The following XPO5 variants were observed in gnomAD, a reference collection of about 807,000 sequenced individuals.
The protein encoded by XPO5 is exportin-5.
A neutral mutation model predicts 160.6 loss-of-function variants in XPO5; 46 were observed. The observed-to-expected ratio is 0.29, with a 90% confidence interval of 0.23 to 0.37. The LOEUF (loss-of-function observed/expected upper bound fraction) is 0.37, where lower values mean the gene tolerates loss of function less well. Among genes scored for constraint, XPO5 ranks in the 10% least tolerant of loss-of-function variants. The pLI, the probability that XPO5 is intolerant of heterozygous loss-of-function variation, is 1.00. For synonymous variants in XPO5, 537 were observed against 519.3 expected, an observed-to-expected ratio of 1.03 and a Z score of -0.46; for missense variants, 1,090 against 1,463.9, an observed-to-expected ratio of 0.74 and a Z score of 4.17.
rs111482773 is a variant in XPO5 at position 43,569,823 on chromosome 6, C to T, written c.621+679G>A. On this transcript the variant is annotated intron_variant, in intron 5 of 31. Coordinates refer to ENST00000265351, the MANE Select transcript of XPO5 (RefSeq NM_020750.3). ...TAGGGCTGGGCTCGGTGGCTCACAC[C>T]TATAATCTCAGCACTTTGGGAGAGC... is the stretch of plus-strand genomic sequence containing the variant. 3.7e-4 allele frequency among the ~76,000 whole-genome samples: 56 copies of T among 151,732 alleles called. 1 individual carries two copies. Among genetic ancestry groups the T allele is most frequent in the Middle Eastern group, 3.4e-3 (1 of 292 alleles).
intron 20 of XPO5, chr6:43,538,887 G>A (rs1458525019): frequency 2.4e-6 from 3 of 1,276,154 alleles, no homozygotes; most frequent in African/African-American, 2.9e-5. Context: ...GTCTTGACGA[G>A]GTGGTCAGTG....
intron 2 of XPO5, chr6:43,573,257 G>A (rs1582251205): frequency 4.1e-6 from 2 of 493,706 alleles, no homozygotes; most frequent in South Asian, 5.9e-5. Flanking sequence ...TTGTTGAATG[G>A]GTAATATGTA....
Position 43,523,769 on chromosome 6 carries a change from G to A in XPO5, c.*99C>T, listed in dbSNP as rs772902096. 1.9e-5 allele frequency: 31 copies of A among 1,592,172 alleles called. No homozygotes were observed. In the South Asian group the frequency reaches 2.7e-4, roughly 14 times the overall value. On this transcript the variant is annotated 3_prime_UTR_variant, in exon 32 of 32. Transcript: ENST00000265351. ...GATCTCTTTCCAGGCTGACAGTGGT[G>A]GAAAGTGAGGTGGCAGTGCAAGAAG... is the stretch of plus-strand genomic sequence containing the variant.
intron 23 of XPO5, chr6:43,529,438 C>CA (rs1447313472): frequency 3.1e-6 from 1 of 326,066 alleles, no homozygotes; most frequent in African/African-American, 2.4e-5. Flanking sequence ...CCTGTAGTCC[C>CA]AGCTACTCGA....
chr6:43,528,058 T>C, intron 25 of XPO5, 101 bp downstream of exon 25: 1 of 1,208,772 alleles, frequency 8.3e-7, no homozygotes, highest in Non-Finnish European at 1.2e-6. Context: ...AACCTACTGC[T>C]CTTCTACCCT....
intron 18 of XPO5, 34 bp from the exon 19 acceptor site, chr6:43,547,741 A>T: frequency 1.3e-6 from 2 of 1,590,584 alleles, no homozygotes; most frequent in Non-Finnish European, 1.7e-6. Context: ...AAGTTACATC[A>T]TGACTTTAAA....
intron 14 of XPO5, 29 bp from the exon 15 acceptor site, chr6:43,551,482 A>G (rs1795225786): frequency 3.1e-6 from 5 of 1,605,752 alleles, no homozygotes; most frequent in Non-Finnish European, 4.2e-6. Flanking sequence ...ACAGGTTGAC[A>G]ATGGCTGCCT....
intron 5 of XPO5, among the ~76,000 whole-genome samples, chr6:43,569,284 C>T (rs1363343515): frequency 6.9e-6 from 1 of 145,074 alleles, no homozygotes; most frequent in Non-Finnish European, 1.5e-5. Context: ...AAAAGTGAAA[C>T]TCCGTCTCAA....
At chr6:43,524,421 A>G (rs1158029861) in intron 31 of XPO5, 50 bp downstream of exon 31, 1 of 1,588,742 alleles carries the variant, frequency 6.3e-7, no homozygotes, top group Admixed American at 1.8e-5. Flanking sequence ...TTGCCCATAC[A>G]CATGATTTAA....
intron 20 of XPO5, 23 bp from the exon 21 acceptor site, chr6:43,534,030 T>C (rs1794163689): frequency 6.4e-7 from 1 of 1,566,698 alleles, no homozygotes; most frequent in East Asian, 2.3e-5. Context: ...AGAATGCTAT[T>C]GAGCTTTTCC....
At chr6:43,529,198 G>T in intron 23 of XPO5, 1 of 1,441,030 alleles carries the variant, frequency 6.9e-7, no homozygotes, top group South Asian at 1.1e-5. Flanking sequence ...AAATAGGAAG[G>T]AGGACATCCT....
chr6:43,533,887 A>G lies in XPO5; in HGVS notation c.2443+20T>C, dbSNP rs1457573977. ...TAGGGATAAGATAAACCTTAGGAGA[A>G]AAAAGGTTACATTTCTTACCTAATA... On this transcript the variant is annotated intron_variant, in intron 21 of 31. Coordinates refer to ENST00000265351, the MANE Select transcript of XPO5 (RefSeq NM_020750.3). 1 of 1,562,888 alleles carries G rather than the reference A, an allele frequency of 6.4e-7. No homozygotes were observed. The highest frequency in any genetic ancestry group is 8.7e-7 in the Non-Finnish European group (1 of 1,143,018).
At chr6:43,553,534 C>A in intron 13 of XPO5, 31 bp from the exon 14 acceptor site, 5 of 1,529,582 alleles carry the variant, frequency 3.3e-6, no homozygotes, top group Non-Finnish European at 3.5e-6. Flanking sequence ...CATACACACA[C>A]ACACACACAC....
intron 26 of XPO5, chr6:43,527,341 G>A (rs1793660308): frequency 1.2e-5 from 3 of 255,482 alleles, no homozygotes; most frequent in South Asian, 5.3e-5. Context: ...GCGTGATTTC[G>A]GCTCACTGCA....
rs1033434466 is a variant in XPO5, at chr6:43,539,132, A to G, written c.2343-5125T>C. 3.5e-5 allele frequency: 42 copies of G among 1,191,556 alleles called. No homozygotes were observed. The African/African-American group carries it at 5.9e-4, about 17-fold the overall frequency. The allele number at this position is 1,191,556 out of a possible 1,614,324, so 73.8% of individuals were successfully genotyped here. A position where few individuals can be genotyped will look rare whatever the true frequency, so the allele number is the denominator to read the frequency against. On this transcript the variant is annotated intron_variant, in intron 20 of 31. Transcript: ENST00000265351. ...GGGTGCAGGGATGAGGCGCACCAGC[A>G]CAGAGCCACGGCGGCCTGTCACCTT...
chr6:43,565,671 G>T lies in XPO5; in HGVS notation c.900C>A (p.Leu300=). 1 of 1,607,158 alleles carries T rather than the reference G, an allele frequency of 6.2e-7. No homozygotes were observed. The highest frequency in any genetic ancestry group is 8.5e-7 in the Non-Finnish European group (1 of 1,177,110). The change falls in exon 8 of 32, where the codon CTC becomes CTA. Residue 300 remains leucine (L), a synonymous_variant. Transcript: ENST00000265351. ...GTAAAGATACTCACTGTGCGGCGGAGAGTATATAATGCATGGCAACATCTC... is the reference window on the plus strand; with the variant it reads ...GTAAAGATACTCACTGTGCGGCGGATAGTATATAATGCATGGCAACATCTC... ...LFGDVAMHYI[L]SAAQTADGGG... is the part of the protein sequence containing the mutation.
rs771679622 is a variant in XPO5 at position 43,524,643 on chromosome 6, C to G, written c.3313-8G>C. 1 of 1,613,100 alleles carries G rather than the reference C, an allele frequency of 6.2e-7. No individual in the cohort carries two copies. Among genetic ancestry groups the G allele is most frequent in the Non-Finnish European group, 8.5e-7 (1 of 1,179,352 alleles). ...CTCCAGGTACCTGGGGCGCTGATAT[C>G]AGCAGGGATAAACTTACTGGATGTA... On this transcript the variant is annotated splice_region_variant and splice_polypyrimidine_tract_variant and intron_variant, in intron 30 of 31. Transcript: ENST00000265351.
intron 20 of XPO5, among the ~76,000 whole-genome samples, chr6:43,536,299 C>A (rs1338915668): frequency 6.6e-6 from 1 of 151,382 alleles, no homozygotes; most frequent in African/African-American, 2.4e-5. Context: ...CCTATAATCC[C>A]AGCTACTTGA....
chr6:43,573,863 G>A (rs1178912777), intron 1 of XPO5, among the ~76,000 whole-genome samples: 4 of 138,302 alleles, frequency 2.9e-5, no homozygotes, highest in African/African-American at 8.1e-5. Context: ...TCACTCTGTC[G>A]CCCAGGCTGG....
Sources: gnomAD v4.1 joint callset for allele counts (sites outside exome capture counted in the v4.1 genomes callset) on GRCh38, gnomAD v4.1.1 for gene constraint, MANE v1.5 for transcripts, NCBI Gene and HGNC (gene_info 2026-07-23, HGNC 2026-07-21) for gene names.